RIPOR1: variants seen among roughly 807,000 people sequenced by gnomAD.
The protein encoded by RIPOR1 is RHO family interacting cell polarization regulator 1.
In RIPOR1, 58 loss-of-function variants were observed where a neutral mutation model predicts 116.5. That is an observed-to-expected ratio of 0.50 (90% confidence interval 0.40 to 0.62). The LOEUF (loss-of-function observed/expected upper bound fraction) is 0.62, where lower values mean the gene tolerates loss of function less well. Ranked by LOEUF, RIPOR1 falls within the 20% of genes least tolerant of loss-of-function variation. RIPOR1 has a pLI of 0.00. For synonymous variants in RIPOR1, 605 were observed against 650.0 expected, an observed-to-expected ratio of 0.93 and a Z score of 1.05; for missense variants, 1,372 against 1,586.2, an observed-to-expected ratio of 0.86 and a Z score of 2.29.
chr16:67,519,475 T>C (rs1430680309), intron 1 of RIPOR1, among the ~76,000 whole-genome samples: 2 of 152,054 alleles, frequency 1.3e-5, no homozygotes, highest in African/African-American at 4.8e-5. Flanking sequence ...ATCCAGCTGC[T>C]GCGTGGACAA....
Position 67,546,526 on chromosome 16 carries a change from G to A in RIPOR1, c.*63G>A. 7.2e-7 allele frequency: 1 copy of A among 1,391,786 alleles called. No homozygotes were observed. 86.2% of individuals were successfully genotyped at this position (1,391,786 alleles called of 1,614,324 possible). On this transcript the variant is annotated 3_prime_UTR_variant, in exon 22 of 22. Coordinates refer to ENST00000042381, the MANE Select transcript of RIPOR1 (RefSeq NM_024519.4). ...CACTTTCAGGGCTCACCAGGCACTG[G>A]CAGGGAGGGTAAGGGCTGGCTCCAG...
chr16:67,527,853 C>CAAA (rs796470899), upstream of RIPOR1, among the ~76,000 whole-genome samples: 1 of 67,636 alleles, frequency 1.5e-5, no homozygotes, highest in African/African-American at 5.1e-5. Flanking sequence ...CACTCTGTCT[C>CAAA]AAAAAAAAAA....
rs34835336 is a variant in RIPOR1, at chr16:67,522,191, A to ATTTT, written c.-24+3604_-24+3607dup. On this transcript the variant is annotated intron_variant, in intron 1 of 1. Coordinates refer to the RIPOR1 transcript ENST00000562116. ...TACAGGCGTGTGCCACCACGCCCAG[A>ATTTT]TTTTTTTTTTTTTTTTTTTTTTTTT... 3.1e-3 allele frequency among the ~76,000 whole-genome samples: 222 copies of ATTTT among 71,322 alleles called. 22 individuals carry two copies. The highest frequency in any genetic ancestry group is 9.8e-3 in the African/African-American group (171 of 17,478). 46.8% of individuals were successfully genotyped at this position (71,322 alleles called of 152,430 possible).
At position 67,529,940 on chromosome 16, in the gene RIPOR1, C is replaced by T. The variant is rs573215053; in HGVS notation, c.-24+1026C>T. 7 of 896,216 alleles carry T rather than the reference C, an allele frequency of 7.8e-6. No homozygotes were observed. The East Asian group carries it at 1.8e-4, about 24-fold the overall frequency. 55.5% of individuals were successfully genotyped at this position (896,216 alleles called of 1,614,324 possible). ...TGAGTCCTTGCCCCTGCGACACCCA[C>T]CTCCGTGGTATTGGAGGGAGGAGAG... On this transcript the variant is annotated intron_variant, in intron 1 of 21. Coordinates refer to ENST00000042381, the MANE Select transcript of RIPOR1 (RefSeq NM_024519.4). This position sits in a 1 kb window ranked among gnomAD's most constrained non-coding sequence, Gnocchi z 4.1.
chr16:67,527,497 G>A (rs535327063), upstream of RIPOR1, among the ~76,000 whole-genome samples: 2 of 152,164 alleles, frequency 1.3e-5, no homozygotes, highest in African/African-American at 2.4e-5. Flanking sequence ...TGTAATCCCA[G>A]TACTTTGGGA....
upstream of RIPOR1, among the ~76,000 whole-genome samples, chr16:67,525,363 C>T (rs757695668): frequency 6.6e-6 from 1 of 152,118 alleles, no homozygotes; most frequent in Non-Finnish European, 1.5e-5. Flanking sequence ...CGGGCACAGC[C>T]GACATTCCAC....
At position 67,537,378 on chromosome 16, in the gene RIPOR1, G is replaced by A; in HGVS notation, c.-23-1046G>A. On this transcript the variant is annotated intron_variant, in intron 1 of 21. Transcript: ENST00000042381. The surrounding 1 kb of genome is among the most constrained non-coding windows in gnomAD (Gnocchi z 4.6). The stretch of plus-strand genomic sequence containing the variant: ...CCCCCGTCGGTCCCCTCCCCGAGGG[G>A]AACCCCAGTCACCGGTCCCGCCCCA... The A allele has an allele frequency of 1.6e-6, 2 of 1,230,454 alleles. No individual in the cohort carries two copies. The highest frequency in any genetic ancestry group is 2.0e-6 in the Non-Finnish European group (2 of 986,632). The allele number at this position is 1,230,454 out of a possible 1,614,324, so 76.2% of individuals were successfully genotyped here. A position where few individuals can be genotyped will look rare whatever the true frequency, so the allele number is the denominator to read the frequency against.
At position 67,531,982 on chromosome 16, in the gene RIPOR1, C is replaced by A. The variant is rs1483451816; in HGVS notation, c.-24+3068C>A. 6.6e-6 allele frequency among the ~76,000 whole-genome samples: 1 copy of A among 152,166 alleles called. No individual in the cohort carries two copies. The highest frequency in any genetic ancestry group is 1.9e-4 in the East Asian group (1 of 5,196). ...TCTTGGCTCACTGCAAGCTCCACCT[C>A]CCGGGCTCATGCCATTCTCCCACCT... On this transcript the variant is annotated intron_variant, in intron 1 of 21. Coordinates refer to ENST00000042381, the MANE Select transcript of RIPOR1 (RefSeq NM_024519.4). This position sits in a 1 kb window ranked among gnomAD's most constrained non-coding sequence, Gnocchi z 4.2.
At chr16:67,533,881 C>T (rs1193467702) in intron 1 of RIPOR1, among the ~76,000 whole-genome samples, 1 of 147,802 alleles carries the variant, frequency 6.8e-6, no homozygotes, top group Non-Finnish European at 1.5e-5. Flanking sequence ...AATCTTGGCT[C>T]ACTGCAACCT....
rs910813507 is a variant in RIPOR1 at position 67,537,410 on chromosome 16, C to T, written c.-23-1014C>T. ...AGTCACCGGTCCCGCCCCATCCAGG[C>T]GGGCTGAGTCAGGCGGCAGGAACTG... On this transcript the variant is annotated intron_variant, in intron 1 of 21. Coordinates refer to ENST00000042381, the MANE Select transcript of RIPOR1 (RefSeq NM_024519.4). The surrounding 1 kb of genome is among the most constrained non-coding windows in gnomAD (Gnocchi z 4.6). The T allele has an allele frequency of 7.3e-6, 9 of 1,238,382 alleles. No homozygotes were observed. Among genetic ancestry groups the T allele is most frequent in the Non-Finnish European group, 9.1e-6 (9 of 990,936 alleles). 76.7% of individuals were successfully genotyped at this position (1,238,382 alleles called of 1,614,324 possible). A position where few individuals can be genotyped will look rare whatever the true frequency, so the allele number is the denominator to read the frequency against.
chr16:67,521,949 C>G (rs931317282), intron 1 of RIPOR1, among the ~76,000 whole-genome samples: 1 of 152,200 alleles, frequency 6.6e-6, no homozygotes, highest in Admixed American at 6.5e-5. Context: ...CTCTCAGGAC[C>G]GATGGATGCA....
chr16:67,543,451 A>G lies in RIPOR1; in HGVS notation c.2582A>G (p.Asn861Ser), dbSNP rs573618136. ...CTCAATGAAGACGAAGATGAAGACA[A>G]TGATGTTCCTGGGGACAGGTGAGGG... ...SFLNEDEDED[N>S]DVPGDRPPSS... is the part of the protein sequence containing the mutation. Residue 861 changes from asparagine (N) to serine (S), a missense_variant, in exon 14 of 22, where the codon AAT (asparagine) becomes AGT (serine). Physicochemically the swap from Asn to Ser is conservative, Grantham distance 46. Coordinates refer to ENST00000042381, the MANE Select transcript of RIPOR1 (RefSeq NM_024519.4). This position sits in a 1 kb window ranked among gnomAD's most constrained non-coding sequence, Gnocchi z 4.7. The G allele has an allele frequency of 1.3e-5, 20 of 1,554,458 alleles. No homozygotes were observed. The highest frequency in any genetic ancestry group is 7.2e-5 in the East Asian group (3 of 41,382).
intron 1 of RIPOR1, among the ~76,000 whole-genome samples, chr16:67,520,062 C>CAAAAAAAAA (rs796368368): frequency 2.2e-5 from 1 of 46,024 alleles, no homozygotes; most frequent in Non-Finnish European, 5.8e-5. Flanking sequence ...AACTCCGTCT[C>CAAAAAAAAA]AAAAAAAAAA....
Position 67,540,201 on chromosome 16 carries a change from C to T in RIPOR1, c.563C>T (p.Thr188Met), listed in dbSNP as rs759249453. ...AEATRGHREY[T>M]ESMCLLESEL... is the part of the protein sequence containing the mutation. ...GCCACTCGGGGGCATCGCGAGTACA[C>T]GGAGGTGAGGGATGGGGGCCCATGA... The change falls in exon 7 of 22, where the codon ACG (threonine) becomes ATG (methionine). Residue 188 changes from threonine (T) to methionine (M), a missense_variant. Transcript: ENST00000042381. This position sits in a 1 kb window ranked among gnomAD's most constrained non-coding sequence, Gnocchi z 4.7. The T allele has an allele frequency of 6.8e-6, 11 of 1,613,848 alleles. No homozygotes were observed. Among genetic ancestry groups the T allele is most frequent in the Non-Finnish European group, 9.3e-6 (11 of 1,179,932 alleles).
upstream of RIPOR1, among the ~76,000 whole-genome samples, chr16:67,526,879 T>A (rs1430432730): frequency 6.6e-6 from 1 of 152,212 alleles, no homozygotes; most frequent in Non-Finnish European, 1.5e-5. Flanking sequence ...AAAACCCCAG[T>A]CTCTAGCTCA....
rs748241601 is a variant in RIPOR1 at position 67,542,082 on chromosome 16, C to T, written c.1296C>T (p.Ala432=). The change falls in exon 13 of 22, where the codon GCC becomes GCT. Residue 432 remains alanine (A), a synonymous_variant. Transcript: ENST00000042381. The surrounding 1 kb of genome is among the most constrained non-coding windows in gnomAD (Gnocchi z 4.6). Reference sequence around the variant, plus strand: ...CTGGGCCCTTGGATGAGGAGGGGGCCGTGGCCCCAGTCCTGGCAAATGGGC... The same window carrying T: ...CTGGGCCCTTGGATGAGGAGGGGGCTGTGGCCCCAGTCCTGGCAAATGGGC... ...PSSGPLDEEG[A]VAPVLANGHA... is the part of the protein sequence containing the mutation. The T allele has an allele frequency of 2.0e-5, 32 of 1,606,312 alleles. No individual in the cohort carries two copies. Among genetic ancestry groups the T allele is most frequent in the East Asian group, 4.5e-5 (2 of 44,680 alleles).
At position 67,531,179 on chromosome 16, in the gene RIPOR1, A is replaced by T. The variant is rs1597620583; in HGVS notation, c.-24+2265A>T. ...GCCCCACTTGCTGATGGTATACGAT[A>T]CCATCAGCCAGTGGGAAGGGAGAGG... On this transcript the variant is annotated intron_variant, in intron 1 of 21. Transcript: ENST00000042381. The surrounding 1 kb of genome is among the most constrained non-coding windows in gnomAD (Gnocchi z 4.2). Among the ~76,000 whole-genome samples the T allele has an allele frequency of 6.6e-6, 1 of 151,822 alleles. No homozygotes were observed. Among genetic ancestry groups the T allele is most frequent in the Admixed American group, 6.6e-5 (1 of 15,248 alleles).
At chr16:67,539,802 AG>A in intron 5 of RIPOR1, 43 bp from the exon 6 acceptor site, 1 of 1,614,196 alleles carries the variant, frequency 6.2e-7, no homozygotes, top group Non-Finnish European at 8.5e-7. Flanking sequence ...AGGGAGGGTA[AG>A]GACCCTGGGC....
chr16:67,524,819 C>A (rs1041105837), upstream of RIPOR1, among the ~76,000 whole-genome samples: 7 of 152,232 alleles, frequency 4.6e-5, no homozygotes, highest in Non-Finnish European at 8.8e-5. Flanking sequence ...TGGCCCAGGC[C>A]ACCATCCACT....
Sources: gnomAD v4.1 joint callset for allele counts (sites outside exome capture counted in the v4.1 genomes callset) on GRCh38, gnomAD v4.1.1 for gene constraint, Gnocchi (gnomAD v3.1) non-coding constraint, MANE v1.5 for transcripts, NCBI Gene and HGNC (gene_info 2026-07-23, HGNC 2026-07-21) for gene names.